Variants in AGBL4 observed in about 807,000 individuals in gnomAD.
AGBL4 encodes the protein cytosolic carboxypeptidase 6.
Under a neutral mutation model 66.4 loss-of-function variants are expected in AGBL4, and 58 were observed. The ratio of observed to expected loss-of-function variants is 0.87; its 90% CI spans 0.71 to 1.09. The LOEUF is 1.09. Ranked by LOEUF, AGBL4 falls within the 50% of genes least tolerant of loss-of-function variation. The pLI is 0.00. For missense variants in AGBL4, 579 were observed against 631.0 expected, an observed-to-expected ratio of 0.92 and a Z score of 0.88; for synonymous variants, 234 against 222.9, an observed-to-expected ratio of 1.05 and a Z score of -0.44.
intron 3 of AGBL4, among the ~76,000 whole-genome samples, chr1:49,625,767 A>T (rs757984125): frequency 2.0e-5 from 3 of 152,156 alleles, no homozygotes; most frequent in Non-Finnish European, 2.9e-5. Flanking sequence ...CCACATTATT[A>T]GTAGAATCTT....
intron 1 of AGBL4, among the ~76,000 whole-genome samples, chr1:49,873,839 A>T (rs1196325562): frequency 6.6e-6 from 1 of 152,144 alleles, no homozygotes; most frequent in African/African-American, 2.4e-5. Flanking sequence ...TTGAGAAAAA[A>T]ACAAAACAAA....
intron 4 of AGBL4, among the ~76,000 whole-genome samples, chr1:49,070,941 G>A (rs1644591196): frequency 6.6e-6 from 1 of 151,896 alleles, no homozygotes; most frequent in Admixed American, 6.5e-5. Context: ...GGTCTATTCA[G>A]AGATTTGACT....
At chr1:49,530,082 G>A (rs1415079854) in intron 3 of AGBL4, among the ~76,000 whole-genome samples, 1 of 151,558 alleles carries the variant, frequency 6.6e-6, no homozygotes, top group African/African-American at 2.4e-5. Context: ...ACTTGCTTCT[G>A]TACATGGTAT....
chr1:49,989,895 C>T (rs1477467352), intron 1 of AGBL4, among the ~76,000 whole-genome samples: 1 of 152,086 alleles, frequency 6.6e-6, no homozygotes, highest in Non-Finnish European at 1.5e-5. Context: ...ACCTGAAGGT[C>T]CTAGGCATTT....
In AGBL4 at chr1:49,144,063, G is replaced by A. The variant is rs143468480; in HGVS notation, c.378-98263C>T. Among the ~76,000 whole-genome samples the A allele has an allele frequency of 1.6e-4, 25 of 152,222 alleles. No homozygotes were observed. The East Asian group carries it at 4.8e-3, about 29-fold the overall frequency. ...GAACCTTGGTTTTCCTATCTGTAAG[G>A]TATGGATTATATCCTGTCTTAGCGC... is the stretch of plus-strand genomic sequence containing the variant. On this transcript the variant is annotated intron_variant, in intron 4 of 13. Coordinates refer to ENST00000371839, the MANE Select transcript of AGBL4 (RefSeq NM_032785.4).
At chr1:49,833,557 G>A (rs1476754561) in intron 2 of AGBL4, among the ~76,000 whole-genome samples, 1 of 151,234 alleles carries the variant, frequency 6.6e-6, no homozygotes, top group Non-Finnish European at 1.5e-5. Context: ...GATGGGGATG[G>A]CATTGAATCT....
intron 5 of AGBL4, among the ~76,000 whole-genome samples, chr1:48,936,820 C>T (rs910931599): frequency 1.2e-4 from 18 of 152,148 alleles, no homozygotes; most frequent in Admixed American, 2.0e-4. Context: ...TGGAGAAACT[C>T]AGTCAGGTTA....
chr1:49,781,191 A>G (rs1308332600), intron 2 of AGBL4, among the ~76,000 whole-genome samples: 2 of 152,112 alleles, frequency 1.3e-5, no homozygotes, highest in African/African-American at 4.8e-5. Flanking sequence ...GAAGTTTGAG[A>G]CCAGCCTGGG....
chr1:48,554,223 T>G (rs1278584526), intron 11 of AGBL4, among the ~76,000 whole-genome samples: 1 of 152,170 alleles, frequency 6.6e-6, no homozygotes, highest in Non-Finnish European at 1.5e-5. Flanking sequence ...TCACCCCTGA[T>G]TAGGCCTGAA....
At chr1:49,123,797 T>A (rs967445323) in intron 4 of AGBL4, among the ~76,000 whole-genome samples, 1 of 152,238 alleles carries the variant, frequency 6.6e-6, no homozygotes, top group African/African-American at 2.4e-5. Flanking sequence ...CATGTGTCTG[T>A]TTCTATATCT....
intron 3 of AGBL4, among the ~76,000 whole-genome samples, chr1:49,543,429 A>G (rs1444099904): frequency 6.6e-6 from 1 of 152,072 alleles, no homozygotes; most frequent in Non-Finnish European, 1.5e-5. Context: ...AGGAGAGGAA[A>G]AAGGGGACAT....
At chr1:49,792,555 TG>T in intron 2 of AGBL4, among the ~76,000 whole-genome samples, 1 of 152,224 alleles carries the variant, frequency 6.6e-6, no homozygotes, top group Non-Finnish European at 1.5e-5. Context: ...AGAAAACTAC[TG>T]AAAGCCAGAA....
chr1:48,523,377 A>G, the AGBL4 span, among the ~76,000 whole-genome samples: 4 of 152,040 alleles, frequency 2.6e-5, no homozygotes, highest in African/African-American at 4.8e-5. Context: ...CTTTCTCCCC[A>G]CTACATTCAC....
At chr1:48,558,233 C>G (rs1644349343) in intron 11 of AGBL4, among the ~76,000 whole-genome samples, 2 of 152,196 alleles carry the variant, frequency 1.3e-5, no homozygotes, top group South Asian at 4.1e-4. Context: ...TAAGTACTCC[C>G]TGAACTTTAG....
At chr1:48,729,848 A>C (rs1162903557) in intron 6 of AGBL4, among the ~76,000 whole-genome samples, 1 of 151,990 alleles carries the variant, frequency 6.6e-6, no homozygotes, top group African/African-American at 2.4e-5. Flanking sequence ...ACTATTCCCA[A>C]GCCTGACTAA....
intron 2 of AGBL4, among the ~76,000 whole-genome samples, chr1:49,775,790 C>A (rs1644180367): frequency 6.6e-6 from 1 of 151,900 alleles, no homozygotes; most frequent in South Asian, 2.1e-4. Context: ...AGACTTCAAT[C>A]TTATAATAAC....
chr1:49,204,543 G>C (rs530770002), intron 4 of AGBL4, among the ~76,000 whole-genome samples: 1 of 152,242 alleles, frequency 6.6e-6, no homozygotes, highest in South Asian at 2.1e-4. Flanking sequence ...GCCTCCCAAA[G>C]TGCTGGGATT....
At chr1:49,163,345 T>G (rs1375420561) in intron 4 of AGBL4, among the ~76,000 whole-genome samples, 1 of 152,188 alleles carries the variant, frequency 6.6e-6, no homozygotes, top group Non-Finnish European at 1.5e-5. Flanking sequence ...TCTTGCCTGA[T>G]TCTGGCAGAC....
At chr1:48,632,846 T>C (rs1645613798) in intron 9 of AGBL4, among the ~76,000 whole-genome samples, 1 of 152,238 alleles carries the variant, frequency 6.6e-6, no homozygotes, top group Non-Finnish European at 1.5e-5. Flanking sequence ...GGCAGAACTC[T>C]GCAGACTACA....
Sources: gnomAD v4.1 joint callset for allele counts (sites outside exome capture counted in the v4.1 genomes callset) on GRCh38, gnomAD v4.1.1 for gene constraint, MANE v1.5 for transcripts, NCBI Gene and HGNC (gene_info 2026-07-23, HGNC 2026-07-21) for gene names.